The following PHLPP2 variants were observed in gnomAD, a reference collection of about 807,000 sequenced individuals.
PHLPP2 encodes the protein PH domain and leucine rich repeat protein phosphatase 2, also known as PH domain leucine-rich repeat-containing protein phosphatase 2.
PHLPP2 carries 66 observed loss-of-function variants against 124.9 expected under a neutral mutation model. That is an observed-to-expected ratio of 0.53 (90% CI 0.43 to 0.65). PHLPP2 has a LOEUF of 0.65. Ranked by LOEUF, PHLPP2 falls within the 30% of genes least tolerant of loss-of-function variation. The probability of loss-of-function intolerance (pLI) is 0.00; values close to 1 mark genes in which losing one functional copy is unlikely to be tolerated. For missense variants in PHLPP2, 1,685 were observed against 1,600.4 expected, an observed-to-expected ratio of 1.05 and a Z score of -0.90; for synonymous variants, 681 against 624.7, an observed-to-expected ratio of 1.09 and a Z score of -1.34.
At chr16:71,706,174 G>A (rs868781542) in intron 2 of PHLPP2, among the ~76,000 whole-genome samples, 1 of 152,352 alleles carries the variant, frequency 6.6e-6, no homozygotes, top group Middle Eastern at 3.4e-3. Context: ...TAGTTTTGGA[G>A]TAACAGTTTT....
chr16:71,696,649 A>G (rs1388963415), intron 3 of PHLPP2, among the ~76,000 whole-genome samples: 1 of 146,918 alleles, frequency 6.8e-6, no homozygotes, highest in African/African-American at 2.5e-5. Context: ...CTCCATCTCA[A>G]AAAAAAAAAA....
chr16:71,658,605 TC>T (rs1457161746), intron 14 of PHLPP2, 47 bp downstream of exon 14: 4 of 1,556,370 alleles, frequency 2.6e-6, no homozygotes, highest in Non-Finnish European at 2.6e-6. Flanking sequence ...TCATTCACTC[TC>T]CTGCCATTTC....
At chr16:71,696,209 T>G (rs1279011517) in intron 3 of PHLPP2, among the ~76,000 whole-genome samples, 6 of 152,168 alleles carry the variant, frequency 3.9e-5, no homozygotes, top group African/African-American at 1.4e-4. Flanking sequence ...TAACATGAGA[T>G]AGTATTTTTG....
At chr16:71,716,411 C>T (rs936125073) in intron 1 of PHLPP2, among the ~76,000 whole-genome samples, 1 of 152,128 alleles carries the variant, frequency 6.6e-6, no homozygotes, top group Non-Finnish European at 1.5e-5. Flanking sequence ...AAATTAATGT[C>T]GCATTTGATA....
At chr16:71,658,201 A>C in intron 15 of PHLPP2, 32 bp downstream of exon 15, 1 of 1,601,420 alleles carries the variant, frequency 6.2e-7, no homozygotes, top group Non-Finnish European at 8.5e-7. Flanking sequence ...GGCTAAGAGC[A>C]CATAGAGATT....
chr16:71,702,515 C>T (rs2145369204), intron 3 of PHLPP2, 83 bp downstream of exon 3: 1 of 1,163,070 alleles, frequency 8.6e-7, no homozygotes, highest in Non-Finnish European at 1.2e-6. Flanking sequence ...GATAAAATAC[C>T]TTTAAAAAGC....
At chr16:71,694,956 T>C (rs1597009592) in intron 3 of PHLPP2, among the ~76,000 whole-genome samples, 1 of 151,960 alleles carries the variant, frequency 6.6e-6, no homozygotes, top group African/African-American at 2.4e-5. Context: ...GGCTAATATT[T>C]TGTATTTTTT....
intron 12 of PHLPP2, 49 bp downstream of exon 12, chr16:71,667,129 T>C: frequency 6.7e-7 from 1 of 1,482,530 alleles, no homozygotes; most frequent in African/African-American, 1.4e-5. Context: ...CACTGCAGTC[T>C]GTTTAGCCAA....
At chr16:71,698,982 C>T (rs544656424) in intron 3 of PHLPP2, among the ~76,000 whole-genome samples, 21 of 152,056 alleles carry the variant, frequency 1.4e-4, no homozygotes, top group Non-Finnish European at 2.8e-4. Context: ...CACTATATTC[C>T]AAATAAGCTG....
At chr16:71,693,070 C>A (rs2045131209) in intron 3 of PHLPP2, among the ~76,000 whole-genome samples, 1 of 152,136 alleles carries the variant, frequency 6.6e-6, no homozygotes, top group African/African-American at 2.4e-5. Flanking sequence ...GCGGGCGGAT[C>A]ACGAGGTCAG....
At chr16:71,654,337 A>G (rs1315521416) in intron 17 of PHLPP2, among the ~76,000 whole-genome samples, 2 of 151,942 alleles carry the variant, frequency 1.3e-5, no homozygotes, top group East Asian at 3.9e-4. Flanking sequence ...CAAATGCTCC[A>G]TTACAGTTAG....
At chr16:71,700,826 G>A (rs1248007427) in intron 3 of PHLPP2, among the ~76,000 whole-genome samples, 1 of 152,132 alleles carries the variant, frequency 6.6e-6, no homozygotes, top group African/African-American at 2.4e-5. Context: ...CACCTGGCCT[G>A]TGACTCATTT....
intron 1 of PHLPP2, among the ~76,000 whole-genome samples, chr16:71,717,286 G>C (rs960783727): frequency 2.0e-5 from 3 of 152,106 alleles, no homozygotes; most frequent in African/African-American, 7.2e-5. Flanking sequence ...AGAGAAAGAG[G>C]AATGAAAAGT....
At chr16:71,653,569 G>C (rs561704465) in intron 17 of PHLPP2, among the ~76,000 whole-genome samples, 1 of 152,130 alleles carries the variant, frequency 6.6e-6, no homozygotes, top group African/African-American at 2.4e-5. Flanking sequence ...TCTGTACTTG[G>C]AAACAATGTT....
At position 71,655,372 on chromosome 16, in the gene PHLPP2, A is replaced by G. The variant is rs2044733355; in HGVS notation, c.2453T>C (p.Met818Thr). The change falls in exon 17 of 19, where the codon ATG becomes ACG. Residue 818 changes from methionine to threonine, a missense_variant. By Grantham distance (81) the Met-to-Thr change is moderately conservative. Coordinates refer to ENST00000568954, the MANE Select transcript of PHLPP2 (RefSeq NM_015020.3). ...CTCCTCATTTCGGTCTCCATCAAACATGCCATACACAGCTCCCACCCCCTC... is the reference window on the plus strand; with the variant it reads ...CTCCTCATTTCGGTCTCCATCAAACGTGCCATACACAGCTCCCACCCCCTC... ...FAEGVGAVYG[M>T]FDGDRNEELP... 1 of 1,613,970 alleles carries G rather than the reference A, an allele frequency of 6.2e-7. No individual in the cohort carries two copies. Among genetic ancestry groups the G allele is most frequent in the Non-Finnish European group, 8.5e-7 (1 of 1,179,972 alleles).
At chr16:71,696,931 T>A (rs960359365) in intron 3 of PHLPP2, among the ~76,000 whole-genome samples, 1 of 151,900 alleles carries the variant, frequency 6.6e-6, no homozygotes, top group Non-Finnish European at 1.5e-5. Flanking sequence ...CCCAGCACAT[T>A]TGGGAGGCCG....
chr16:71,676,760 T>C (rs1239210480), intron 8 of PHLPP2, 111 bp from the exon 9 acceptor site: 1 of 788,218 alleles, frequency 1.3e-6, no homozygotes, highest in Non-Finnish European at 2.0e-6. Flanking sequence ...GTTTACTTTT[T>C]TTTTTTGAGA....
rs148398451 is a variant in PHLPP2 at position 71,681,532 on chromosome 16, A to G, written c.890+219T>C. Among the ~76,000 whole-genome samples, 30 of 152,338 alleles carry G rather than the reference A, an allele frequency of 2.0e-4. No homozygotes were observed. In the East Asian group the frequency reaches 5.8e-3, roughly 29 times the overall value. On this transcript the variant is annotated intron_variant, in intron 6 of 18. Transcript: ENST00000568954. ...TGTCAATGATTCACATGAAAAGATTACCCAGATCAACAGAAGCTCACAGAA... is the reference window on the plus strand; with the variant it reads ...TGTCAATGATTCACATGAAAAGATTGCCCAGATCAACAGAAGCTCACAGAA...
chr16:71,674,078 CTT>C (rs35193489), intron 9 of PHLPP2, among the ~76,000 whole-genome samples: 113 of 139,426 alleles, frequency 8.1e-4, no homozygotes, highest in Admixed American at 9.4e-4. Flanking sequence ...ATGTGGCAGA[CTT>C]TTTTTTTTTT....
Sources: allele counts gnomAD v4.1 joint callset (sites outside exome capture counted in the v4.1 genomes callset), GRCh38; gene constraint gnomAD v4.1.1; transcripts MANE v1.5; gene names NCBI Gene and HGNC (gene_info 2026-07-23, HGNC 2026-07-21).